The following SLF1 variants were observed in gnomAD, a reference collection of about 807,000 sequenced individuals.
SLF1 encodes SMC5-SMC6 complex localization factor protein 1.
SLF1 carries 105 observed loss-of-function variants against 123.0 expected under a neutral mutation model. The ratio of observed to expected loss-of-function variants is 0.85; its 90% CI spans 0.73 to 1.00. The LOEUF (loss-of-function observed/expected upper bound fraction) is 1.00. Ranked by LOEUF, SLF1 falls within the 50% of genes least tolerant of loss-of-function variation. The pLI is 0.00. For synonymous variants in SLF1, 434 were observed against 406.6 expected, an observed-to-expected ratio of 1.07 and a Z score of -0.81; for missense variants, 1,239 against 1,223.0, an observed-to-expected ratio of 1.01 and a Z score of -0.20.
At position 94,689,710 on chromosome 5, in the gene SLF1, A is replaced by G; in HGVS notation, c.2419+104A>G. 1.3e-5 allele frequency: 14 copies of G among 1,041,082 alleles called. No homozygotes were observed. The South Asian group carries it at 1.6e-4, about 12-fold the overall frequency. The allele number at this position is 1,041,082 out of a possible 1,614,324, so 64.5% of individuals were successfully genotyped here. A position where few individuals can be genotyped will look rare whatever the true frequency, so the allele number is the denominator to read the frequency against. Reference sequence around the variant, plus strand: ...CCCTGATGAATACTTGAACTTAAATATTGGACTAGGTCCAGGAAGTACCTT... The same window carrying G: ...CCCTGATGAATACTTGAACTTAAATGTTGGACTAGGTCCAGGAAGTACCTT... On this transcript the variant is annotated intron_variant, in intron 18 of 20. Coordinates refer to ENST00000265140, the MANE Select transcript of SLF1 (RefSeq NM_032290.4).
chr5:94,668,689 A>G (rs970203519), intron 12 of SLF1, among the ~76,000 whole-genome samples: 1 of 152,176 alleles, frequency 6.6e-6, no homozygotes, highest in African/African-American at 2.4e-5. Context: ...TGTGTTGCCC[A>G]GGCTGGTCTC....
At chr5:94,652,149 A>G (rs1246901425) in intron 7 of SLF1, among the ~76,000 whole-genome samples, 4 of 151,992 alleles carry the variant, frequency 2.6e-5, no homozygotes, top group Non-Finnish European at 5.9e-5. Context: ...CTGGGACTAC[A>G]GGCACACACC....
intron 15 of SLF1, among the ~76,000 whole-genome samples, chr5:94,683,849 TAAC>T (rs1229678172): frequency 6.6e-6 from 1 of 152,224 alleles, no homozygotes. Context: ...TGGTATTTGC[TAAC>T]TGTTCATTCA....
At chr5:94,631,618 C>T (rs1171766485) in intron 4 of SLF1, among the ~76,000 whole-genome samples, 3 of 152,174 alleles carry the variant, frequency 2.0e-5, no homozygotes, top group Admixed American at 6.5e-5. Context: ...TAGTAGTCTA[C>T]TCCATGGATA....
chr5:94,645,850 A>G (rs1746968329), intron 5 of SLF1, among the ~76,000 whole-genome samples: 1 of 152,222 alleles, frequency 6.6e-6, no homozygotes, highest in Non-Finnish European at 1.5e-5. Context: ...GACATTAGAA[A>G]GTTAACTGTA....
intron 9 of SLF1, among the ~76,000 whole-genome samples, chr5:94,661,725 C>A (rs977187064): frequency 1.3e-5 from 2 of 151,882 alleles, no homozygotes; most frequent in Admixed American, 1.3e-4. Flanking sequence ...TTAATAGAGA[C>A]GGGGTTTTGC....
intron 4 of SLF1, among the ~76,000 whole-genome samples, chr5:94,635,337 CTTTTTTTT>C (rs34524874): frequency 4.6e-5 from 2 of 43,882 alleles, no homozygotes; most frequent in African/African-American, 1.8e-4. Flanking sequence ...ACATACTCGG[CTTTTTTTT>C]TTTTTTTTTT....
intron 5 of SLF1, among the ~76,000 whole-genome samples, chr5:94,648,697 G>C (rs1448040136): frequency 6.6e-6 from 1 of 152,144 alleles, no homozygotes; most frequent in Admixed American, 6.5e-5. Context: ...GGGCAGGATG[G>C]TCTTGATCTT....
intron 9 of SLF1, among the ~76,000 whole-genome samples, chr5:94,658,259 A>G (rs1363938521): frequency 6.6e-6 from 1 of 150,378 alleles, no homozygotes; most frequent in Non-Finnish European, 1.5e-5. Context: ...TCATGGTGGT[A>G]GATATCATCC....
intron 16 of SLF1, among the ~76,000 whole-genome samples, chr5:94,687,754 A>G (rs1752604165): frequency 6.6e-6 from 1 of 152,154 alleles, no homozygotes; most frequent in Non-Finnish European, 1.5e-5. Flanking sequence ...AATTTTAATT[A>G]CTTTTGAGCG....
At chr5:94,674,384 A>G (rs1423025022) in intron 14 of SLF1, among the ~76,000 whole-genome samples, 2 of 152,166 alleles carry the variant, frequency 1.3e-5, no homozygotes, top group Admixed American at 6.5e-5. Flanking sequence ...GCAGTCTGCA[A>G]TAAATTGTAG....
Position 94,670,893 on chromosome 5 carries a change from T to G in SLF1, c.1712T>G (p.Met571Arg). The change falls in exon 14 of 21, where the codon ATG (methionine) becomes AGG (arginine). Residue 571 changes from methionine to arginine, a missense_variant. Physicochemically the swap from Met to Arg is moderately conservative, Grantham distance 91. Transcript: ENST00000265140. ...AATCTGAAAATAACAGGAAAGGCAATGCTTCTTGAAATTTTTTGGTCAGGA... is the reference window on the plus strand; with the variant it reads ...AATCTGAAAATAACAGGAAAGGCAAGGCTTCTTGAAATTTTTTGGTCAGGA... Reference protein sequence around the residue: ...SQNLKITGKAMLLEIFWSGSE... With the variant: ...SQNLKITGKARLLEIFWSGSE... 6.5e-7 allele frequency: 1 copy of G among 1,550,268 alleles called. No individual in the cohort carries two copies. The highest frequency in any genetic ancestry group is 8.7e-7 in the Non-Finnish European group (1 of 1,146,008).
intron 15 of SLF1, among the ~76,000 whole-genome samples, 194 bp from the exon 16 acceptor site, chr5:94,686,379 G>A (rs535262250): frequency 4.3e-4 from 65 of 152,040 alleles, no homozygotes; most frequent in African/African-American, 1.5e-3. Context: ...GAGAACATGT[G>A]CCATTAAATA....
In SLF1 at chr5:94,670,293, G is replaced by C; in HGVS notation, c.1661+14G>C. 1 of 1,446,204 alleles carries C rather than the reference G, an allele frequency of 6.9e-7. No individual in the cohort carries two copies. Among genetic ancestry groups the C allele is most frequent in the Non-Finnish European group, 9.1e-7 (1 of 1,103,796 alleles). The allele number at this position is 1,446,204 out of a possible 1,614,324, so 89.6% of individuals were successfully genotyped here. On this transcript the variant is annotated intron_variant, in intron 13 of 20. Transcript: ENST00000265140. ...TCTGAGTCAAAAGTAAGTTCTAATC[G>C]CAAGAATAACACTTTTCTAAATTTT...
Position 94,665,947 on chromosome 5 carries a change from G to A in SLF1, c.1455G>A (p.Met485Ile). 1 of 1,551,320 alleles carries A rather than the reference G, an allele frequency of 6.4e-7. No homozygotes were observed. The highest frequency in any genetic ancestry group is 8.7e-7 in the Non-Finnish European group (1 of 1,146,596). Residue 485 changes from methionine to isoleucine, a missense_variant, in exon 12 of 21, where the codon ATG becomes ATA. Met to Ile is a conservative substitution (Grantham distance 10, BLOSUM62 1). Coordinates refer to ENST00000265140, the MANE Select transcript of SLF1 (RefSeq NM_032290.4). The stretch of plus-strand genomic sequence containing the variant: ...ATCCTCCTTGGAAGTCTCCAGCCAT[G>A]TCGAGATATTATTTAGAGTTGTTTC... ...HLHPPWKSPA[M>I]SRYYLELFQC...
At chr5:94,658,455 G>GTTGTTT (rs1706213659) in intron 9 of SLF1, among the ~76,000 whole-genome samples, 2 of 150,538 alleles carry the variant, frequency 1.3e-5, no homozygotes, top group Non-Finnish European at 3.0e-5. Flanking sequence ...TGTTGTTGTT[G>GTTGTTT]TTTTTTCCTT....
chr5:94,618,786 A>C, intron 1 of SLF1, 21 bp downstream of exon 1: 1 of 154,896 alleles, frequency 6.5e-6, no homozygotes. Context: ...TCAGCTAGGA[A>C]GACACAGTGT....
intron 7 of SLF1, 124 bp from the exon 8 acceptor site, chr5:94,653,148 C>T (rs182891809): frequency 9.3e-5 from 88 of 950,560 alleles, no homozygotes; most frequent in Admixed American, 2.2e-4. Context: ...TGAGCCACCG[C>T]GCCCGGCCGT....
intron 10 of SLF1, 42 bp downstream of exon 10, chr5:94,662,393 A>G: frequency 6.8e-7 from 1 of 1,469,482 alleles, no homozygotes; most frequent in Non-Finnish European, 9.1e-7. Context: ...GGCAAAGAAG[A>G]AGTTTTGTGT....
Sources: allele counts gnomAD v4.1 joint callset (sites outside exome capture counted in the v4.1 genomes callset), GRCh38; gene constraint gnomAD v4.1.1; transcripts MANE v1.5; gene names NCBI Gene and HGNC (gene_info 2026-07-23, HGNC 2026-07-21).